Variants in TRPM6 observed in about 807,000 individuals in gnomAD.
The protein encoded by TRPM6 is transient receptor potential cation channel subfamily M member 6, also known as channel kinase 2.
TRPM6 carries 111 observed loss-of-function variants against 247.6 expected under a neutral mutation model. The observed-to-expected ratio is 0.45, with a 90% CI of 0.38 to 0.52. TRPM6 has a LOEUF of 0.52. Ranked by LOEUF, TRPM6 falls within the 20% of genes least tolerant of loss-of-function variation. TRPM6 has a pLI of 0.00. For missense variants in TRPM6, 2,126 were observed against 2,421.5 expected, an observed-to-expected ratio of 0.88 and a Z score of 2.56; for synonymous variants, 892 against 853.8, an observed-to-expected ratio of 1.04 and a Z score of -0.78.
chr9:74,859,269 C>T (rs1399675236), intron 1 of TRPM6, among the ~76,000 whole-genome samples: 1 of 152,120 alleles, frequency 6.6e-6, no homozygotes, highest in Non-Finnish European at 1.5e-5. Context: ...GGTTGCACAG[C>T]CTAGAACTGT....
chr9:74,851,448 T>C (rs995630316), intron 3 of TRPM6, among the ~76,000 whole-genome samples: 24 of 152,112 alleles, frequency 1.6e-4, no homozygotes, highest in African/African-American at 5.6e-4. Flanking sequence ...AAGGTGATTC[T>C]AAAATTTATA....
chr9:74,782,594 T>A, intron 22 of TRPM6, 85 bp downstream of exon 22: 2 of 1,538,012 alleles, frequency 1.3e-6, no homozygotes, highest in South Asian at 2.2e-5. Context: ...ATTTTTAAGA[T>A]TTAGATGATT....
intron 2 of TRPM6, among the ~76,000 whole-genome samples, chr9:74,858,377 G>T (rs572678094): frequency 1.7e-4 from 5 of 29,314 alleles, no homozygotes; most frequent in Admixed American, 1.4e-3. Context: ...ACAAGAGCGA[G>T]ACTTCGTCTC....
intron 3 of TRPM6, among the ~76,000 whole-genome samples, chr9:74,845,735 GA>G (rs1830089111): frequency 6.6e-6 from 1 of 152,048 alleles, no homozygotes; most frequent in Non-Finnish European, 1.5e-5. Context: ...AGGGAGGCAG[GA>G]AAATCACTTG....
chr9:74,855,386 A>G (rs1417237294), intron 3 of TRPM6, 141 bp downstream of exon 3: 8 of 716,922 alleles, frequency 1.1e-5, no homozygotes, highest in Non-Finnish European at 1.8e-5. Context: ...TCCATCAAAA[A>G]CATCTTTTTA....
At chr9:74,754,991 A>C (rs1826386467) in intron 28 of TRPM6, among the ~76,000 whole-genome samples, 2 of 152,226 alleles carry the variant, frequency 1.3e-5, no homozygotes, top group African/African-American at 4.8e-5. Flanking sequence ...TCTGTGTAGC[A>C]GTCCATATCA....
At chr9:74,846,353 A>T (rs1040048738) in intron 3 of TRPM6, among the ~76,000 whole-genome samples, 2 of 152,066 alleles carry the variant, frequency 1.3e-5, no homozygotes, top group African/African-American at 4.8e-5. Flanking sequence ...ATATTTCTAC[A>T]TTTATGTACC....
At chr9:74,864,117 ATCTC>A (rs1176445479) in intron 1 of TRPM6, among the ~76,000 whole-genome samples, 1 of 149,600 alleles carries the variant, frequency 6.7e-6, no homozygotes. Context: ...TCACTGGACC[ATCTC>A]TCTCTCTCTC....
rs7025560 is a variant in TRPM6, at chr9:74,869,138, A to T, written c.34-10390T>A. 5.6e-3 allele frequency among the ~76,000 whole-genome samples: 858 copies of T among 152,322 alleles called. 7 individuals are homozygous for T. The highest frequency in any genetic ancestry group is 0.02 in the African/African-American group (818 of 41,572). ...AAGAGATTCAGGAAAAAGGTTGTAA[A>T]ACAGAGGAGATAGGTAGTTAGTGTA... On this transcript the variant is annotated intron_variant, in intron 1 of 38. Coordinates refer to ENST00000360774, the MANE Select transcript of TRPM6 (RefSeq NM_017662.5).
chr9:74,870,388 G>GTAC (rs1830983217), intron 1 of TRPM6, among the ~76,000 whole-genome samples: 1 of 152,090 alleles, frequency 6.6e-6, no homozygotes, highest in Admixed American at 6.6e-5. Flanking sequence ...TGGGATAAAG[G>GTAC]ATAAGAGTAA....
At chr9:74,741,887 T>A (rs1563992203) in intron 33 of TRPM6, among the ~76,000 whole-genome samples, 1 of 96,596 alleles carries the variant, frequency 1.0e-5, no homozygotes, top group Non-Finnish European at 2.0e-5. Context: ...TGAAACTCCA[T>A]CTCAAAAAAA....
chr9:74,845,157 A>T lies in TRPM6; in HGVS notation c.153-2814T>A, dbSNP rs143790290. Among the ~76,000 whole-genome samples, 1,020 of 152,330 alleles carry T rather than the reference A, an allele frequency of 6.7e-3. 14 individuals are homozygous for T. The highest frequency in any genetic ancestry group is 0.023 in the African/African-American group (973 of 41,560). ...ATAAAAAAGTTTGAAATATTGCGAG[A>T]ATTATTAAAATGTGATGCAGAGACA... On this transcript the variant is annotated intron_variant, in intron 3 of 38. Coordinates refer to ENST00000360774, the MANE Select transcript of TRPM6 (RefSeq NM_017662.5).
At chr9:74,866,922 A>T (rs1830862665) in intron 1 of TRPM6, among the ~76,000 whole-genome samples, 4 of 152,242 alleles carry the variant, frequency 2.6e-5, no homozygotes, top group Non-Finnish European at 5.9e-5. Context: ...CACATATGAA[A>T]TTAAAACTGA....
intron 2 of TRPM6, among the ~76,000 whole-genome samples, chr9:74,856,456 T>A (rs1161104928): frequency 8.4e-6 from 1 of 118,378 alleles, no homozygotes; most frequent in South Asian, 3.0e-4. Flanking sequence ...TGTGTGTGTG[T>A]GTGTGTGTGT....
chr9:74,729,490 G>A (rs1825448880), intron 37 of TRPM6, among the ~76,000 whole-genome samples: 4 of 152,304 alleles, frequency 2.6e-5, no homozygotes, highest in South Asian at 4.1e-4. Context: ...GCTCCGAGGC[G>A]AGTAGGTGGA....
intron 31 of TRPM6, among the ~76,000 whole-genome samples, chr9:74,745,391 C>G (rs1826006219): frequency 6.6e-6 from 1 of 152,104 alleles, no homozygotes; most frequent in Admixed American, 6.5e-5. Flanking sequence ...GATAAAGTCT[C>G]TAGTTCCATT....
intron 7 of TRPM6, among the ~76,000 whole-genome samples, chr9:74,823,304 T>G (rs1237334927): frequency 6.6e-6 from 1 of 152,200 alleles, no homozygotes; most frequent in African/African-American, 2.4e-5. Context: ...AACACCACGT[T>G]GCTAAGTACT....
chr9:74,808,027 A>T lies in TRPM6; in HGVS notation c.1638+7T>A. The T allele has an allele frequency of 1.2e-6, 2 of 1,613,604 alleles. No individual in the cohort carries two copies. Among genetic ancestry groups the T allele is most frequent in the Non-Finnish European group, 1.7e-6 (2 of 1,179,758 alleles). ...AATTTTACTTGGGCACTTTTCAATT[A>T]CTCTACCTTGTATTTTCTGTAGAGG... is the stretch of plus-strand genomic sequence containing the variant. On this transcript the variant is annotated splice_region_variant and intron_variant, in intron 14 of 38. Coordinates refer to ENST00000360774, the MANE Select transcript of TRPM6 (RefSeq NM_017662.5).
intron 28 of TRPM6, among the ~76,000 whole-genome samples, chr9:74,755,126 T>A (rs919017536): frequency 6.6e-6 from 1 of 152,214 alleles, no homozygotes; most frequent in African/African-American, 2.4e-5. Flanking sequence ...CAAGAGACTA[T>A]CTAAATCTTA....
Sources: gnomAD v4.1 joint callset for allele counts (sites outside exome capture counted in the v4.1 genomes callset) on GRCh38, gnomAD v4.1.1 for gene constraint, MANE v1.5 for transcripts, NCBI Gene and HGNC (gene_info 2026-07-23, HGNC 2026-07-21) for gene names.